The following KLF8 variants were observed in gnomAD, a reference collection of about 807,000 sequenced individuals.
KLF8 encodes KLF transcription factor 8.
In KLF8, 10 loss-of-function variants were observed where a neutral mutation model predicts 18.2. That is an observed-to-expected ratio of 0.55 (90% CI 0.34 to 0.93). The LOEUF is 0.93. KLF8 is among the 40% of genes least tolerant of loss of function. The probability of loss-of-function intolerance (pLI) is 0.02; values close to 1 mark genes in which losing one functional copy is unlikely to be tolerated. For missense variants in KLF8, 264 were observed against 277.9 expected (o/e 0.95, Z 0.36); for synonymous variants, 109 against 97.3 (o/e 1.12, Z -0.71).
the KLF8 span, among the ~76,000 whole-genome samples, chrX:56,063,299 G>A: frequency 2.7e-5 from 3 of 111,330 alleles, no homozygotes; most frequent in African/African-American, 9.8e-5. Flanking sequence ...TCATCTTTGT[G>A]AATTTATCTG....
chrX:56,045,172 G>T, the KLF8 span, among the ~76,000 whole-genome samples: 2 of 111,248 alleles, frequency 1.8e-5, no homozygotes, highest in East Asian at 2.8e-4. Context: ...TTCACTTTAT[G>T]TTTTTGTTTG....
rs1248103220 is a variant in KLF8 at position 56,290,030 on chromosome X, G to A, written c.*5536G>A. 1.2e-4 allele frequency among the ~76,000 whole-genome samples: 13 copies of A among 111,640 alleles called. No individual in the cohort carries two copies. The Admixed American group carries it at 1.2e-3, about 11-fold the overall frequency. On this transcript the variant is annotated 3_prime_UTR_variant, in exon 6 of 6. Transcript: ENST00000468660. ...CTTGTATGAGGTACTGTAGAGGGAT[G>A]GATACAGAAGGAACTGGGTGGGCCA...
chrX:55,975,404 A>G, the KLF8 span, among the ~76,000 whole-genome samples: 1 of 111,064 alleles, frequency 9.0e-6, no homozygotes, highest in Non-Finnish European at 1.9e-5. Flanking sequence ...TAAAATATGC[A>G]TTTATTAATA....
At chrX:55,919,733 T>C in the KLF8 span, among the ~76,000 whole-genome samples, 1 of 111,367 alleles carries the variant, frequency 9.0e-6, no homozygotes, top group Admixed American at 9.5e-5. Flanking sequence ...GGCCCAAGGA[T>C]AGGCTGAGCT....
the KLF8 span, among the ~76,000 whole-genome samples, chrX:56,105,818 G>A: frequency 9.0e-6 from 1 of 111,646 alleles, no homozygotes; most frequent in African/African-American, 3.3e-5. Flanking sequence ...AGCATCAATG[G>A]TCTTTACAAT....
chrX:56,058,033 G>A, the KLF8 span, among the ~76,000 whole-genome samples: 3 of 103,300 alleles, frequency 2.9e-5, no homozygotes, highest in Non-Finnish European at 3.9e-5. Context: ...AAGTCCCCGC[G>A]TGGAGTAGCC....
chrX:55,933,423 C>CT, the KLF8 span, among the ~76,000 whole-genome samples: 1 of 111,684 alleles, frequency 9.0e-6, no homozygotes, highest in African/African-American at 3.3e-5. Flanking sequence ...TAAAGCTCTG[C>CT]TTTTTATGGC....
chrX:56,111,448 G>A, the KLF8 span, among the ~76,000 whole-genome samples: 1 of 111,793 alleles, frequency 8.9e-6, no homozygotes, highest in Non-Finnish European at 1.9e-5. Context: ...AACACCAAAA[G>A]CAATGGCAAG....
chrX:55,918,778 T>A, the KLF8 span, among the ~76,000 whole-genome samples: 1 of 111,437 alleles, frequency 9.0e-6, no homozygotes, highest in African/African-American at 3.3e-5. Flanking sequence ...ACTTGTCACT[T>A]TCCTCTTCTT....
the KLF8 span, among the ~76,000 whole-genome samples, chrX:56,164,702 CT>C: frequency 6.7e-3 from 360 of 53,420 alleles, 4 homozygotes; most frequent in African/African-American, 0.02. Flanking sequence ...CAGTATATTT[CT>C]TTTTTTTTTT....
At chrX:56,091,448 T>G in the KLF8 span, among the ~76,000 whole-genome samples, 3 of 111,453 alleles carry the variant, frequency 2.7e-5, no homozygotes, top group Non-Finnish European at 3.8e-5. Context: ...GAGTGAGAAC[T>G]GATTAATACA....
chrX:56,013,266 A>G, the KLF8 span, among the ~76,000 whole-genome samples: 2 of 112,339 alleles, frequency 1.8e-5, no homozygotes, highest in Admixed American at 9.4e-5. Context: ...CGTTTTGGCC[A>G]ATTTCTTCCA....
chrX:56,037,623 AT>A, the KLF8 span, among the ~76,000 whole-genome samples: 1 of 108,085 alleles, frequency 9.3e-6, no homozygotes, highest in Non-Finnish European at 1.9e-5. Flanking sequence ...TTTTCTATTT[AT>A]TTTTTCTTGG....
chrX:55,909,961 A>C, the KLF8 span, among the ~76,000 whole-genome samples: 7 of 112,152 alleles, frequency 6.2e-5, no homozygotes, highest in Middle Eastern at 4.6e-3. Context: ...ATGTTTCTGC[A>C]CAGGGAGGGT....
chrX:56,117,541 C>T, the KLF8 span, among the ~76,000 whole-genome samples: 1 of 111,570 alleles, frequency 9.0e-6, no homozygotes, highest in South Asian at 3.8e-4. Context: ...CCATTGATTT[C>T]AGCTTATTCC....
the KLF8 span, among the ~76,000 whole-genome samples, chrX:55,912,066 G>A: frequency 8.9e-6 from 1 of 111,857 alleles, no homozygotes; most frequent in East Asian, 2.8e-4. Context: ...AGAACCACTT[G>A]CTTAGAGTTG....
the KLF8 span, among the ~76,000 whole-genome samples, chrX:56,209,521 C>T: frequency 2.5e-4 from 28 of 111,228 alleles, no homozygotes; most frequent in South Asian, 7.7e-4. Context: ...CCCAGCTCCT[C>T]GGGAGACTGA....
chrX:56,097,687 T>A, the KLF8 span, among the ~76,000 whole-genome samples: 1 of 67,674 alleles, frequency 1.5e-5, no homozygotes, highest in Non-Finnish European at 2.5e-5. Flanking sequence ...CCCACAACAG[T>A]CCCCAGAGTG....
the KLF8 span, among the ~76,000 whole-genome samples, chrX:56,123,355 G>A: frequency 9.2e-6 from 1 of 108,679 alleles, no homozygotes; most frequent in African/African-American, 3.5e-5. Flanking sequence ...AGACCAAAAA[G>A]CTAAACTTAT....
Sources: allele counts gnomAD v4.1 joint callset (sites outside exome capture counted in the v4.1 genomes callset), GRCh38; gene constraint gnomAD v4.1.1; transcripts MANE v1.5; gene names NCBI Gene and HGNC (gene_info 2026-07-23, HGNC 2026-07-21).